The following CRACD variants were observed in gnomAD, a reference collection of about 807,000 sequenced individuals.
CRACD encodes capping protein-inhibiting regulator of actin dynamics.
In CRACD, 56 loss-of-function variants were observed where a neutral mutation model predicts 106.8. That is an observed-to-expected ratio of 0.52 (90% confidence interval 0.42 to 0.66). The LOEUF is 0.66. CRACD is among the 30% of genes least tolerant of loss of function. The probability of loss-of-function intolerance (pLI) is 0.00; values close to 1 mark genes in which losing one functional copy is unlikely to be tolerated. For missense variants in CRACD, 1,730 were observed against 1,623.2 expected (o/e 1.07, Z -1.13); for synonymous variants, 754 against 670.8 (o/e 1.12, Z -1.92).
Position 56,246,020 on chromosome 4 carries a change from CT to C in CRACD, c.-188-26300del, listed in dbSNP as rs894934151. On this transcript the variant is annotated intron_variant, in intron 2 of 10. Transcript: ENST00000682029. ...GTCTGGCATTTGTCCTAGGTAGATA[CT>C]GATGGGGAGGAGGATGGGCAGGAGG... 8.5e-4 allele frequency among the ~76,000 whole-genome samples: 130 copies of C among 152,098 alleles called. 11 individuals carry two copies. Among genetic ancestry groups the C allele is most frequent in the Non-Finnish European group, 5.9e-5 (4 of 68,022 alleles).
chr4:56,270,196 ACTT>A (rs1325371096), intron 2 of CRACD, among the ~76,000 whole-genome samples: 2 of 148,116 alleles, frequency 1.4e-5, no homozygotes, highest in Admixed American at 6.8e-5. Flanking sequence ...AGTTTGAACC[ACTT>A]CTTCTCTTCA....
intron 1 of CRACD, among the ~76,000 whole-genome samples, chr4:56,114,044 C>T (rs540451248): frequency 5.9e-5 from 9 of 151,832 alleles, no homozygotes; most frequent in African/African-American, 2.2e-4. Context: ...TCATAAGTAA[C>T]CAAAAACTTA....
chr4:56,085,354 A>AT (rs971539887), intron 1 of CRACD, among the ~76,000 whole-genome samples: 152 of 149,154 alleles, frequency 1.0e-3, no homozygotes, highest in Non-Finnish European at 1.6e-3. Flanking sequence ...GTCTCCCTTT[A>AT]TTTTTTTTTT....
chr4:56,157,420 T>G (rs1314175294), intron 1 of CRACD, among the ~76,000 whole-genome samples: 1 of 152,184 alleles, frequency 6.6e-6, no homozygotes, highest in Admixed American at 6.5e-5. Flanking sequence ...ATTCCTAATA[T>G]CTAGTAGAAG....
chr4:56,072,633 C>T (rs113962628), intron 1 of CRACD, among the ~76,000 whole-genome samples: 10,696 of 151,610 alleles, frequency 0.071, 485 homozygotes, highest in Admixed American at 0.14. Context: ...TTCTTTAAGT[C>T]CTGGGATACA....
intron 1 of CRACD, among the ~76,000 whole-genome samples, chr4:56,131,895 G>A (rs182706603): frequency 1.3e-5 from 2 of 151,826 alleles, no homozygotes; most frequent in East Asian, 3.9e-4. Flanking sequence ...ACAAAATTTG[G>A]GTTATATTAT....
At chr4:56,224,884 C>G (rs1451730724) in intron 2 of CRACD, among the ~76,000 whole-genome samples, 1 of 152,188 alleles carries the variant, frequency 6.6e-6, no homozygotes, top group Non-Finnish European at 1.5e-5. Flanking sequence ...TACCTTGAAG[C>G]TGGGAGCCAA....
chr4:56,206,570 A>G (rs1738130427), intron 2 of CRACD, among the ~76,000 whole-genome samples: 2 of 152,186 alleles, frequency 1.3e-5, no homozygotes, highest in African/African-American at 4.8e-5. Context: ...ATCACTTTTT[A>G]TAGGAGATAA....
At chr4:56,102,306 C>G (rs1560451241) in intron 1 of CRACD, among the ~76,000 whole-genome samples, 1 of 152,164 alleles carries the variant, frequency 6.6e-6, no homozygotes, top group East Asian at 1.9e-4. Flanking sequence ...CATTTCTTTT[C>G]ATGTTTATTA....
At chr4:56,068,326 C>T (rs1032769234) in intron 1 of CRACD, among the ~76,000 whole-genome samples, 2 of 152,148 alleles carry the variant, frequency 1.3e-5, no homozygotes, top group African/African-American at 2.4e-5. Flanking sequence ...AGCAACAACA[C>T]GGCCGCTGCA....
At chr4:56,075,903 A>T (rs1732824513) in intron 1 of CRACD, among the ~76,000 whole-genome samples, 1 of 152,134 alleles carries the variant, frequency 6.6e-6, no homozygotes, top group East Asian at 1.9e-4. Context: ...CTGTATGTTC[A>T]TTGTGGCTGT....
At position 56,313,289 on chromosome 4, in the gene CRACD, C is replaced by T. The variant is rs202001621; in HGVS notation, c.447C>T (p.Ile149=). The T allele has an allele frequency of 1.0e-4, 167 of 1,614,088 alleles. No individual in the cohort carries two copies. Among genetic ancestry groups the T allele is most frequent in the Middle Eastern group, 9.9e-4 (6 of 6,084 alleles). The change falls in exon 7 of 11, where the codon ATC becomes ATT. Residue 149 remains isoleucine, a synonymous_variant. Coordinates refer to ENST00000682029, the MANE Select transcript of CRACD (RefSeq NM_001393381.1). The stretch of plus-strand genomic sequence containing the variant: ...ACTTAGATGCCATCCCCCTGGCCAT[C>T]GCTCGCCTGGACAACAGTGCCGCCA... ...SVNLDAIPLA[I]ARLDNSAAKH...
chr4:56,213,167 C>G (rs1464277016), intron 2 of CRACD, among the ~76,000 whole-genome samples: 1 of 152,152 alleles, frequency 6.6e-6, no homozygotes, highest in Admixed American at 6.5e-5. Flanking sequence ...TTAATTGAGG[C>G]CGGGCACAAT....
rs1055342321 is a variant in CRACD, at chr4:56,313,120, C to T, written c.355-77C>T. 7 of 1,319,974 alleles carry T rather than the reference C, an allele frequency of 5.3e-6. No homozygotes were observed. The South Asian group carries it at 6.5e-5, about 12-fold the overall frequency. The allele number at this position is 1,319,974 out of a possible 1,614,324, so 81.8% of individuals were successfully genotyped here. ...AGGCTGGGCGAGGCGCACACTGGAACGAGTGCCACCGTTCTGCGATTCCCT... is the reference window on the plus strand; with the variant it reads ...AGGCTGGGCGAGGCGCACACTGGAATGAGTGCCACCGTTCTGCGATTCCCT... On this transcript the variant is annotated intron_variant, in intron 6 of 10. Coordinates refer to ENST00000682029, the MANE Select transcript of CRACD (RefSeq NM_001393381.1).
intron 2 of CRACD, among the ~76,000 whole-genome samples, chr4:56,242,626 G>A (rs544493140): frequency 1.0e-3 from 153 of 152,194 alleles, no homozygotes; most frequent in African/African-American, 3.6e-3. Context: ...AAAAGACGTC[G>A]GGGGCCACAG....
chr4:56,198,488 TAGG>T (rs1401859279), intron 2 of CRACD, among the ~76,000 whole-genome samples: 2 of 152,196 alleles, frequency 1.3e-5, no homozygotes, highest in Non-Finnish European at 2.9e-5. Context: ...GAAATATTAA[TAGG>T]AGGAGACAAA....
intron 2 of CRACD, among the ~76,000 whole-genome samples, chr4:56,214,328 C>G (rs1436852405): frequency 6.6e-6 from 1 of 152,124 alleles, no homozygotes; most frequent in Non-Finnish European, 1.5e-5. Flanking sequence ...GGTGCGATGG[C>G]TTACGCCTAT....
intron 2 of CRACD, among the ~76,000 whole-genome samples, chr4:56,235,749 G>T (rs1277344483): frequency 6.6e-6 from 1 of 152,180 alleles, no homozygotes; most frequent in African/African-American, 2.4e-5. Context: ...AAATGGATTG[G>T]TTTGGCTATA....
chr4:56,092,914 T>G (rs1195758671), intron 1 of CRACD, among the ~76,000 whole-genome samples: 3 of 152,158 alleles, frequency 2.0e-5, no homozygotes, highest in African/African-American at 7.2e-5. Context: ...CTCGGCCTCT[T>G]TTTAACTTTT....
Sources: allele counts gnomAD v4.1 joint callset (sites outside exome capture counted in the v4.1 genomes callset), GRCh38; gene constraint gnomAD v4.1.1; transcripts MANE v1.5; gene names NCBI Gene and HGNC (gene_info 2026-07-23, HGNC 2026-07-21).